HDAC9: variants seen among roughly 807,000 people sequenced by gnomAD.
HDAC9 encodes the protein histone deacetylase 9.
In HDAC9, 41 loss-of-function variants were observed where a neutral mutation model predicts 139.4. The ratio of observed to expected loss-of-function variants is 0.29; its 90% CI spans 0.23 to 0.38. The LOEUF (loss-of-function observed/expected upper bound fraction) is 0.38, where lower values mean the gene tolerates loss of function less well. HDAC9 is among the 10% of genes least tolerant of loss of function. The pLI is 1.00. For synonymous variants in HDAC9, 517 were observed against 476.2 expected (o/e 1.09, Z -1.12); for missense variants, 1,147 against 1,297.0 (o/e 0.88, Z 1.78).
intron 6 of HDAC9, among the ~76,000 whole-genome samples, chr7:18,613,590 T>A (rs1837766330): frequency 6.6e-6 from 1 of 152,166 alleles, no homozygotes; most frequent in African/African-American, 2.4e-5. Context: ...CTACTATGTG[T>A]TGTGGCTATA....
chr7:18,739,103 A>C (rs1236452557), intron 13 of HDAC9, among the ~76,000 whole-genome samples: 1 of 152,170 alleles, frequency 6.6e-6, no homozygotes, highest in Non-Finnish European at 1.5e-5. Context: ...CATGGTTTTC[A>C]GCTCCATCAG....
intron 6 of HDAC9, among the ~76,000 whole-genome samples, chr7:18,610,776 A>G (rs573750558): frequency 2.0e-5 from 3 of 152,236 alleles, no homozygotes; most frequent in South Asian, 4.1e-4. Flanking sequence ...ACTTTTCCCA[A>G]TCCTCTATGT....
intron 12 of HDAC9, among the ~76,000 whole-genome samples, chr7:18,682,989 C>CA (rs760733936): frequency 4.6e-5 from 7 of 151,332 alleles, no homozygotes; most frequent in African/African-American, 7.3e-5. Flanking sequence ...TCAACAACAA[C>CA]AAAAAAAATT....
chr7:18,780,338 A>G (rs1481255885), intron 16 of HDAC9, among the ~76,000 whole-genome samples: 4 of 152,050 alleles, frequency 2.6e-5, no homozygotes, highest in Admixed American at 6.6e-5. Context: ...TTCTTGAGAG[A>G]TCAGATAGCA....
intron 1 of HDAC9, among the ~76,000 whole-genome samples, chr7:18,135,288 C>T: frequency 6.8e-6 from 1 of 147,426 alleles, no homozygotes; most frequent in African/African-American, 2.5e-5. Flanking sequence ...GTAGTATTTA[C>T]CATATTCTTT....
rs111717383 is a variant in HDAC9, at chr7:18,530,147, C to A, written c.22+33823C>A. 7.8e-3 allele frequency among the ~76,000 whole-genome samples: 1,181 copies of A among 151,894 alleles called. 16 individuals carry two copies. Among genetic ancestry groups the A allele is most frequent in the African/African-American group, 0.027 (1,117 of 41,414 alleles). On this transcript the variant is annotated intron_variant, in intron 2 of 25. Coordinates refer to ENST00000686413, the MANE Select transcript of HDAC9 (RefSeq NM_178425.4). ...TAGAAATAAAAATAAAAAAAATAAG[C>A]CAGGCATGGTGGCACATGGGAGGCT...
intron 1 of HDAC9, among the ~76,000 whole-genome samples, chr7:18,356,317 G>A (rs1783266218): frequency 7.0e-6 from 1 of 142,104 alleles, no homozygotes; most frequent in African/African-American, 2.6e-5. Flanking sequence ...TTTAATAGGT[G>A]GCGCCATTAT....
chr7:18,684,849 C>A (rs371003542), intron 12 of HDAC9, among the ~76,000 whole-genome samples: 179 of 151,982 alleles, frequency 1.2e-3, no homozygotes, highest in African/African-American at 3.8e-3. Flanking sequence ...TGGAAAACTC[C>A]CCTCCACCTA....
In HDAC9 at chr7:18,112,343, A is replaced by G. The variant is rs573041779; in HGVS notation, c.-97+25130A>G. Among the ~76,000 whole-genome samples the G allele has an allele frequency of 2.6e-5, 4 of 152,326 alleles. No individual in the cohort carries two copies. In the South Asian group the frequency reaches 8.3e-4, roughly 32 times the overall value. ...TTCTAGACCTGAGAAAGTGATAGAG[A>G]AATTGTTAAGAATGCGGACTACAGT... is the stretch of plus-strand genomic sequence containing the variant. On this transcript the variant is annotated intron_variant, in intron 1 of 12. Coordinates refer to the HDAC9 transcript ENST00000417496.
intron 2 of HDAC9, among the ~76,000 whole-genome samples, chr7:18,250,829 A>T (rs1201124106): frequency 6.6e-6 from 1 of 151,658 alleles, no homozygotes; most frequent in Non-Finnish European, 1.5e-5. Context: ...CTGGTGTGAG[A>T]TGGTTTCTCA....
At position 18,977,947 on chromosome 7, in the gene HDAC9, C is replaced by A. The variant is rs189830058; in HGVS notation, c.3170+1994C>A. On this transcript the variant is annotated intron_variant, in intron 25 of 25. Coordinates refer to ENST00000686413, the MANE Select transcript of HDAC9 (RefSeq NM_178425.4). ...ACACACACACACACACACACACACA[C>A]ACACACACACACAGAAAGAGAGAGA... is the stretch of plus-strand genomic sequence containing the variant. 1.1e-3 allele frequency among the ~76,000 whole-genome samples: 173 copies of A among 150,998 alleles called. 2 individuals carry two copies. The highest frequency in any genetic ancestry group is 4.1e-3 in the African/African-American group (169 of 40,838).
At chr7:18,193,835 G>T (rs1178328) in intron 2 of HDAC9, among the ~76,000 whole-genome samples, 69,852 of 152,016 alleles carry the variant, frequency 0.46, 17,268 homozygotes, top group African/African-American at 0.64. Flanking sequence ...TTGTTAGGCT[G>T]CTTCTTTGCC....
intron 13 of HDAC9, among the ~76,000 whole-genome samples, chr7:18,742,573 A>G (rs1178154): frequency 0.18 from 27,520 of 152,164 alleles, 3,124 homozygotes; most frequent in East Asian, 0.55. Context: ...TTTGGAATCT[A>G]ACCAGCAATA....
At chr7:18,751,496 A>G (rs1337024605) in intron 14 of HDAC9, among the ~76,000 whole-genome samples, 1 of 152,150 alleles carries the variant, frequency 6.6e-6, no homozygotes, top group Non-Finnish European at 1.5e-5. Flanking sequence ...ATCATTATAT[A>G]TGATAATGCT....
Position 18,133,604 on chromosome 7 carries a change from C to T in HDAC9, c.-96-28625C>T, listed in dbSNP as rs539070295. ...TATTCAGCAGATATGAACGTTTTCA[C>T]TTAGCAAACTGTGTACGTGAACACC... is the stretch of plus-strand genomic sequence containing the variant. On this transcript the variant is annotated intron_variant, in intron 1 of 12. Coordinates refer to the HDAC9 transcript ENST00000417496. 3.3e-5 allele frequency among the ~76,000 whole-genome samples: 5 copies of T among 152,236 alleles called. No homozygotes were observed. In the East Asian group the frequency reaches 5.8e-4, roughly 18 times the overall value.
At chr7:18,914,066 G>T (rs1447460076) in intron 22 of HDAC9, among the ~76,000 whole-genome samples, 1 of 151,874 alleles carries the variant, frequency 6.6e-6, no homozygotes, top group African/African-American at 2.4e-5. Context: ...GGGTGGCAGA[G>T]CCCTAAATAA....
At chr7:18,150,384 A>G (rs866974481) in intron 1 of HDAC9, among the ~76,000 whole-genome samples, 5 of 152,152 alleles carry the variant, frequency 3.3e-5, no homozygotes, top group African/African-American at 1.2e-4. Context: ...CTGGTCTGAA[A>G]CTGATGTCCA....
chr7:18,472,060 C>G (rs778656445), intron 1 of HDAC9, among the ~76,000 whole-genome samples: 2 of 152,174 alleles, frequency 1.3e-5, no homozygotes, highest in African/African-American at 4.8e-5. Context: ...CAGGGCTGTT[C>G]TCTAATTGTT....
At chr7:18,184,269 A>G (rs1789733568) in intron 2 of HDAC9, among the ~76,000 whole-genome samples, 2 of 152,082 alleles carry the variant, frequency 1.3e-5, no homozygotes, top group African/African-American at 4.8e-5. Flanking sequence ...GTTGCGGCAC[A>G]TGCCTGTAAT....
Sources: allele counts gnomAD v4.1 joint callset (sites outside exome capture counted in the v4.1 genomes callset), GRCh38; gene constraint gnomAD v4.1.1; transcripts MANE v1.5; gene names NCBI Gene and HGNC (gene_info 2026-07-23, HGNC 2026-07-21).